GSN: variants seen among roughly 807,000 people sequenced by gnomAD.
GSN encodes gelsolin, also known as actin-depolymerizing factor.
GSN carries 56 observed loss-of-function variants against 85.7 expected under a neutral mutation model. The ratio of observed to expected loss-of-function variants is 0.65; its 90% CI spans 0.53 to 0.82. GSN has a LOEUF of 0.82. Ranked by LOEUF, GSN falls within the 40% of genes least tolerant of loss-of-function variation. The pLI, the probability that GSN is intolerant of heterozygous loss-of-function variation, is 0.00. For synonymous variants in GSN, 373 were observed against 399.1 expected, an observed-to-expected ratio of 0.93 and a Z score of 0.78; for missense variants, 857 against 979.8, an observed-to-expected ratio of 0.87 and a Z score of 1.67.
intron 6 of GSN, among the ~76,000 whole-genome samples, chr9:121,252,322 C>T (rs1442353525): frequency 2.6e-5 from 4 of 152,218 alleles, no homozygotes; most frequent in African/African-American, 7.2e-5. Flanking sequence ...TTCAAGGACA[C>T]GCTTGGGGAG....
At chr9:121,276,200 C>T (rs1206604621) in intron 1 of GSN, among the ~76,000 whole-genome samples, 2 of 152,174 alleles carry the variant, frequency 1.3e-5, no homozygotes, top group Non-Finnish European at 2.9e-5. Context: ...CTGATTATTC[C>T]CAAATCAACC....
intron 8 of GSN, 114 bp downstream of exon 8, chr9:121,317,332 A>C: frequency 1.7e-6 from 2 of 1,183,890 alleles, no homozygotes; most frequent in South Asian, 1.2e-5. Context: ...GTGCAATGGA[A>C]ATCAGAAGTC....
chr9:121,233,879 C>T (rs561995177), intron 5 of GSN, among the ~76,000 whole-genome samples: 29 of 152,252 alleles, frequency 1.9e-4, no homozygotes, highest in African/African-American at 6.0e-4. Flanking sequence ...GCAATTGTTT[C>T]GATTGGAATT....
chr9:121,292,131 A>T (rs1051608753), intron 2 of GSN, among the ~76,000 whole-genome samples: 1 of 152,146 alleles, frequency 6.6e-6, no homozygotes, highest in Non-Finnish European at 1.5e-5. Flanking sequence ...TACTGGGTTT[A>T]AGCTATCCTC....
intron 4 of GSN, among the ~76,000 whole-genome samples, chr9:121,308,189 G>C (rs763330217): frequency 6.6e-6 from 1 of 152,266 alleles, no homozygotes; most frequent in East Asian, 1.9e-4. Context: ...GGAAAGATAG[G>C]TTGTTAGCTC....
At chr9:121,222,902 G>A (rs1252183757) in intron 4 of GSN, 1 of 151,976 alleles carries the variant, frequency 6.6e-6, no homozygotes, top group African/African-American at 2.4e-5. Context: ...CTTGGGGGGG[G>A]GTCTTACACA....
chr9:121,239,045 G>A, intron 5 of GSN: 1 of 431,710 alleles, frequency 2.3e-6, no homozygotes, highest in Non-Finnish European at 4.6e-6. Flanking sequence ...TTCAGAGATG[G>A]GTGAATGATA....
chr9:121,203,618 G>A (rs2053838459), upstream of GSN, among the ~76,000 whole-genome samples: 1 of 152,206 alleles, frequency 6.6e-6, no homozygotes, highest in African/African-American at 2.4e-5. Context: ...GAACAAGTGA[G>A]ATTTCACTGT....
Position 121,295,559 on chromosome 9 carries a change from G to A in GSN, c.-9-6404G>A, listed in dbSNP as rs193279931. On this transcript the variant is annotated intron_variant, in intron 2 of 17. Coordinates refer to ENST00000432226, the MANE Select transcript of GSN (RefSeq NM_198252.3). Reference sequence around the variant, plus strand: ...CAAGGCCTTTTTGTACACTGTGGCTGGGGATGGAAGGGGCGGGGGAGGCCA... The same window carrying A: ...CAAGGCCTTTTTGTACACTGTGGCTAGGGATGGAAGGGGCGGGGGAGGCCA... Among the ~76,000 whole-genome samples, 56 of 152,344 alleles carry A rather than the reference G, an allele frequency of 3.7e-4. 1 individual carries two copies. The South Asian group carries it at 5.6e-3, about 15-fold the overall frequency.
intron 4 of GSN, among the ~76,000 whole-genome samples, chr9:121,217,083 G>A (rs2054077510): frequency 6.6e-6 from 1 of 152,030 alleles, no homozygotes; most frequent in Non-Finnish European, 1.5e-5. Context: ...ACTTTGGCTG[G>A]GCACATTGGC....
At chr9:121,220,115 C>T (rs2416821) in intron 4 of GSN, among the ~76,000 whole-genome samples, 107,217 of 152,116 alleles carry the variant, frequency 0.7, 38,058 homozygotes, top group East Asian at 0.81. Context: ...ACTCCTGACC[C>T]CAGGTGATCC....
At chr9:121,278,809 G>A (rs1170845183) in intron 1 of GSN, among the ~76,000 whole-genome samples, 1 of 152,200 alleles carries the variant, frequency 6.6e-6, no homozygotes, top group East Asian at 1.9e-4. Context: ...GAGTTAGCTG[G>A]GGCTAATTCT....
Position 121,318,422 on chromosome 9 carries a change from G to A in GSN, c.903G>A (p.Thr301=), listed in dbSNP as rs545928835. Residue 301 remains threonine, a synonymous_variant, in exon 9 of 18, where the codon ACG becomes ACA. Transcript: ENST00000432226. This position sits in a 1 kb window ranked among gnomAD's most constrained non-coding sequence, Gnocchi z 4.3. ...IFVWKGKQAN[T]EERKAALKTA... ...TGCCAACAGGCAAGCAGGCAAACAC[G>A]GAGGAGAGGAAGGCTGCCCTCAAAA... is the stretch of plus-strand genomic sequence containing the variant. 82 of 1,614,050 alleles carry A rather than the reference G, an allele frequency of 5.1e-5. No individual in the cohort carries two copies. Among genetic ancestry groups the A allele is most frequent in the East Asian group, 1.6e-4 (7 of 44,862 alleles).
chr9:121,226,097 C>G (rs2054268339), intron 4 of GSN, among the ~76,000 whole-genome samples: 1 of 152,238 alleles, frequency 6.6e-6, no homozygotes, highest in South Asian at 2.1e-4. Flanking sequence ...AGCCACTGCG[C>G]CCGGCAGAGC....
chr9:121,238,740 G>C (rs1379006090), intron 5 of GSN: 1 of 443,376 alleles, frequency 2.3e-6, no homozygotes. Context: ...CTCATAGACA[G>C]TGTGATTTTC....
chr9:121,238,734 T>A, intron 5 of GSN: 1 of 435,514 alleles, frequency 2.3e-6, no homozygotes, highest in South Asian at 1.8e-5. Flanking sequence ...CAAAGTCTCA[T>A]AGACAGTGTG....
intron 5 of GSN, chr9:121,240,008 C>A: frequency 6.3e-6 from 1 of 159,252 alleles, no homozygotes; most frequent in South Asian, 1.8e-4. Flanking sequence ...CTCCTGAGCT[C>A]CCACCACCAG....
chr9:121,292,218 T>C (rs2058760152), intron 2 of GSN, among the ~76,000 whole-genome samples: 2 of 152,014 alleles, frequency 1.3e-5, no homozygotes, highest in Non-Finnish European at 2.9e-5. Flanking sequence ...TTCTTTTGGG[T>C]GAGGCAGAAC....
intron 7 of GSN, among the ~76,000 whole-genome samples, chr9:121,314,386 A>G (rs1421235384): frequency 1.3e-5 from 2 of 152,206 alleles, no homozygotes; most frequent in African/African-American, 2.4e-5. Context: ...TACTACAGAA[A>G]TGGTGTGTAT....
Sources: gnomAD v4.1 joint callset for allele counts (sites outside exome capture counted in the v4.1 genomes callset) on GRCh38, gnomAD v4.1.1 for gene constraint, Gnocchi (gnomAD v3.1) non-coding constraint, MANE v1.5 for transcripts, NCBI Gene and HGNC (gene_info 2026-07-23, HGNC 2026-07-21) for gene names.